POLR3C: variants seen among roughly 807,000 people sequenced by gnomAD.
The protein encoded by POLR3C is RNA polymerase III subunit C.
Under a neutral mutation model 65.9 loss-of-function variants are expected in POLR3C, and 44 were observed. That is an observed-to-expected ratio of 0.67 (90% CI 0.52 to 0.86). The LOEUF is 0.86. Ranked by LOEUF, POLR3C falls within the 40% of genes least tolerant of loss-of-function variation. POLR3C has a pLI of 0.00. For missense variants in POLR3C, 576 were observed against 653.2 expected (o/e 0.88, Z 1.29); for synonymous variants, 263 against 231.6 (o/e 1.14, Z -1.23).
intron 5 of POLR3C, 94 bp from the exon 6 acceptor site, chr1:145,833,166 T>C: frequency 1.4e-6 from 1 of 720,948 alleles, no homozygotes; most frequent in East Asian, 2.5e-5. Flanking sequence ...TAATTGTTAC[T>C]GTGTAGGAAA....
intron 11 of POLR3C, 31 bp downstream of exon 11, chr1:145,838,237 C>A (rs372243288): frequency 4.1e-5 from 65 of 1,598,180 alleles, no homozygotes; most frequent in Non-Finnish European, 5.3e-5. Flanking sequence ...TAATTGCCAA[C>A]CAGCAAAGCT....
intron 5 of POLR3C, among the ~76,000 whole-genome samples, chr1:145,829,179 C>G (rs1172873305): frequency 6.6e-6 from 1 of 152,184 alleles, no homozygotes; most frequent in African/African-American, 2.4e-5. Context: ...ATTCAAATGC[C>G]TTCTTAGCGT....
In POLR3C at chr1:145,840,016, C is replaced by T. The variant is rs200001344; in HGVS notation, c.1323+25C>T. ...GGTAACTCAATCTGGACCTTCTCCC[C>T]ATTTCCTCCATACGGTCAAGTACCC... On this transcript the variant is annotated intron_variant, in intron 12 of 14. Transcript: ENST00000334163. 1.5e-3 allele frequency: 2,335 copies of T among 1,527,708 alleles called. 12 individuals carry two copies. Among genetic ancestry groups the T allele is most frequent in the Non-Finnish European group, 1.3e-3 (1,393 of 1,101,256 alleles). The allele number at this position is 1,527,708 out of a possible 1,614,324, so 94.6% of individuals were successfully genotyped here.
At chr1:145,835,636 G>A (rs908672517) in intron 7 of POLR3C, among the ~76,000 whole-genome samples, 1 of 151,348 alleles carries the variant, frequency 6.6e-6, no homozygotes, top group East Asian at 2.0e-4. Flanking sequence ...GTGCAGTAGC[G>A]CAATCTCAGC....
intron 5 of POLR3C, among the ~76,000 whole-genome samples, chr1:145,831,494 G>A (rs954681780): frequency 2.2e-5 from 3 of 135,420 alleles, no homozygotes; most frequent in South Asian, 2.3e-4. Flanking sequence ...CAGCCTGGGC[G>A]AAAGAGCAAA....
At chr1:145,838,404 G>A (rs1187030769) in intron 11 of POLR3C, among the ~76,000 whole-genome samples, 198 bp downstream of exon 11, 3 of 152,138 alleles carry the variant, frequency 2.0e-5, no homozygotes, top group South Asian at 2.1e-4. Flanking sequence ...AGAGGTGGCC[G>A]GGCACGGTGG....
chr1:145,838,253 AGGGTGAG>A, intron 11 of POLR3C, 47 bp downstream of exon 11: 1 of 1,531,216 alleles, frequency 6.5e-7, no homozygotes. Context: ...AAGCTGGCCT[AGGGTGAG>A]AGAAGCTTCT....
At position 145,837,707 on chromosome 1, in the gene POLR3C, A is replaced by G. The variant is rs1302074845; in HGVS notation, c.1070+111A>G. 46 of 789,284 alleles carry G rather than the reference A, an allele frequency of 5.8e-5. 1 individual carries two copies. The Admixed American group carries it at 8.9e-4, about 15-fold the overall frequency. 48.9% of individuals were successfully genotyped at this position (789,284 alleles called of 1,614,324 possible). ...ACCACACCTTGGCATACTTTTCCCCATTTTTTCACTGGACTCCTATGGATC... is the reference window on the plus strand; with the variant it reads ...ACCACACCTTGGCATACTTTTCCCCGTTTTTTCACTGGACTCCTATGGATC... On this transcript the variant is annotated intron_variant, in intron 10 of 14. Transcript: ENST00000334163.
At chr1:145,836,786 C>A in intron 8 of POLR3C, 29 bp from the exon 9 acceptor site, 1 of 1,476,894 alleles carries the variant, frequency 6.8e-7, no homozygotes, top group South Asian at 1.2e-5. Flanking sequence ...ACTTTCCGTT[C>A]AGTTAACACT....
intron 14 of POLR3C, 146 bp from the exon 15 acceptor site, chr1:145,842,193 A>G: frequency 1.7e-6 from 1 of 602,646 alleles, no homozygotes; most frequent in Non-Finnish European, 2.9e-6. Flanking sequence ...GTAAATAGCA[A>G]AATGATCTAC....
In POLR3C at chr1:145,838,123, G is replaced by A; in HGVS notation, c.1138G>A (p.Val380Met). Residue 380 changes from valine to methionine, a missense_variant, in exon 11 of 15, where the codon GTG becomes ATG. Physicochemically the swap from Val to Met is conservative, Grantham distance 21. Transcript: ENST00000334163. ...GAAGAAACACATAGAGCAGAAGCAA[G>A]TGGAAGACTTTGCAATGATTCCTGC... ...LQKKHIEQKQ[V>M]EDFAMIPAKE... is the part of the protein sequence containing the mutation. 6.2e-7 allele frequency: 1 copy of A among 1,613,328 alleles called. No homozygotes were observed. The highest frequency in any genetic ancestry group is 8.5e-7 in the Non-Finnish European group (1 of 1,179,214).
chr1:145,831,711 G>C lies in POLR3C; in HGVS notation c.679-1549G>C, dbSNP rs1180349639. On this transcript the variant is annotated intron_variant, in intron 5 of 14. Coordinates refer to ENST00000334163, the MANE Select transcript of POLR3C (RefSeq NM_006468.8). Reference sequence around the variant, plus strand: ...TGAAAGAGGAATCTGTGGATACTGAGGAAAGGTAGCCAGAAAGGTTCAAAG... The same window carrying C: ...TGAAAGAGGAATCTGTGGATACTGACGAAAGGTAGCCAGAAAGGTTCAAAG... 4.6e-5 allele frequency among the ~76,000 whole-genome samples: 7 copies of C among 152,122 alleles called. No homozygotes were observed. The East Asian group carries it at 1.3e-3, about 29-fold the overall frequency.
rs587612071 is a variant in POLR3C at position 145,830,839 on chromosome 1, C to T, written c.678+2002C>T. On this transcript the variant is annotated intron_variant, in intron 5 of 14. Transcript: ENST00000334163. ...ATTGGGTTGTCTAGGCACAGTGGCT[C>T]GTGCCTGTAATCCCAGCATTTTGGG... Among the ~76,000 whole-genome samples, 7 of 151,802 alleles carry T rather than the reference C, an allele frequency of 4.6e-5. No individual in the cohort carries two copies. The East Asian group carries it at 9.7e-4, about 21-fold the overall frequency.
chr1:145,825,110 T>TG (rs1650602531), intron 1 of POLR3C, among the ~76,000 whole-genome samples: 1 of 152,042 alleles, frequency 6.6e-6, no homozygotes, highest in African/African-American at 2.4e-5. Context: ...TAATTTTTTT[T>TG]GTTTTTTTTT....
In POLR3C at chr1:145,836,539, C is replaced by A; in HGVS notation, c.922C>A (p.Leu308Ile). 1 of 1,609,806 alleles carries A rather than the reference C, an allele frequency of 6.2e-7. No individual in the cohort carries two copies. Among genetic ancestry groups the A allele is most frequent in the Non-Finnish European group, 8.5e-7 (1 of 1,176,132 alleles). Residue 308 changes from leucine (L) to isoleucine (I), a missense_variant, in exon 8 of 15, where the codon CTT becomes ATT. Transcript: ENST00000334163. ...PVGYNISKQVLDQYLTLLADD... is the reference protein window; with the variant it reads ...PVGYNISKQVIDQYLTLLADD... ...TGGCTATAACATCTCTAAGCAAGTT[C>A]TTGATCAGTATCTCACTCTGCTGGC...
chr1:145,835,094 A>G (rs1019981578), intron 7 of POLR3C, among the ~76,000 whole-genome samples: 1 of 145,210 alleles, frequency 6.9e-6, no homozygotes, highest in Middle Eastern at 3.5e-3. Context: ...GCAGTCAACT[A>G]TGATCATGCC....
intron 5 of POLR3C, among the ~76,000 whole-genome samples, chr1:145,831,359 A>G (rs1281737228): frequency 4.6e-5 from 7 of 152,092 alleles, no homozygotes; most frequent in Non-Finnish European, 8.8e-5. Flanking sequence ...TACTAAAAAT[A>G]CAAAAATTAG....
At chr1:145,827,132 A>G in intron 4 of POLR3C, 127 bp downstream of exon 4, 1 of 790,422 alleles carries the variant, frequency 1.3e-6, no homozygotes, top group Non-Finnish European at 2.1e-6. Flanking sequence ...GGTGTATAAC[A>G]ATGAAAAAAT....
intron 5 of POLR3C, among the ~76,000 whole-genome samples, chr1:145,831,344 G>A (rs1223235658): frequency 6.6e-6 from 1 of 151,948 alleles, no homozygotes. Context: ...GCGAAACCCC[G>A]TCTCTACTAA....
Sources: allele counts gnomAD v4.1 joint callset (sites outside exome capture counted in the v4.1 genomes callset), GRCh38; gene constraint gnomAD v4.1.1; transcripts MANE v1.5; gene names NCBI Gene and HGNC (gene_info 2026-07-23, HGNC 2026-07-21).